Variants in CRIM1 observed in about 807,000 individuals in gnomAD.
CRIM1 encodes cysteine-rich motor neuron 1 protein.
CRIM1 carries 32 observed loss-of-function variants against 116.4 expected under a neutral mutation model. That is an observed-to-expected ratio of 0.27 (90% CI 0.21 to 0.37). CRIM1 has a LOEUF of 0.37. Among genes scored for constraint, CRIM1 ranks in the 10% least tolerant of loss-of-function variants. CRIM1 has a pLI of 1.00. For missense variants in CRIM1, 1,331 were observed against 1,354.8 expected, an observed-to-expected ratio of 0.98 and a Z score of 0.28; for synonymous variants, 590 against 509.2, an observed-to-expected ratio of 1.16 and a Z score of -2.13.
chr2:36,508,246 C>CA (rs1288613820), intron 8 of CRIM1, among the ~76,000 whole-genome samples: 1 of 152,110 alleles, frequency 6.6e-6, no homozygotes, highest in Admixed American at 6.5e-5. Context: ...ATGATAATGA[C>CA]AGAGTAGAAA....
intron 1 of CRIM1, among the ~76,000 whole-genome samples, chr2:36,385,876 AT>A (rs547221190): frequency 2.7e-4 from 41 of 152,330 alleles, no homozygotes; most frequent in East Asian, 1.7e-3. Flanking sequence ...TGTCTGGCAC[AT>A]AGAAAGTGCT....
intron 14 of CRIM1, among the ~76,000 whole-genome samples, chr2:36,538,164 C>T (rs538104417): frequency 1.3e-5 from 2 of 152,294 alleles, no homozygotes; most frequent in South Asian, 4.1e-4. Context: ...CTCTTTGTGT[C>T]TGCTGCATTA....
At chr2:36,407,651 CTGT>C (rs1672908156) in intron 2 of CRIM1, among the ~76,000 whole-genome samples, 1 of 148,362 alleles carries the variant, frequency 6.7e-6, no homozygotes, top group African/African-American at 2.5e-5. Flanking sequence ...TGCATTTTAA[CTGT>C]TGGAAGTCAT....
chr2:36,513,112 T>G, intron 10 of CRIM1: 1 of 197,630 alleles, frequency 5.1e-6, no homozygotes, highest in Non-Finnish European at 1.0e-5. Context: ...TTCTAAGGGG[T>G]TGGAGTAAAC....
At position 36,368,122 on chromosome 2, in the gene CRIM1, C is replaced by T. The variant is rs188733857; in HGVS notation, c.331+11499C>T. ...TTACCTTTGCTGCTGTTTTCACTTG[C>T]CAGGGAGTTTCCTTAAGGAGCAGAC... On this transcript the variant is annotated intron_variant, in intron 1 of 16. Transcript: ENST00000280527. 1.7e-3 allele frequency among the ~76,000 whole-genome samples: 264 copies of T among 152,290 alleles called. 3 individuals carry two copies. The highest frequency in any genetic ancestry group is 2.5e-4 in the Non-Finnish European group (17 of 68,026).
intron 2 of CRIM1, among the ~76,000 whole-genome samples, chr2:36,411,531 A>G (rs934335935): frequency 3.9e-5 from 6 of 152,218 alleles, no homozygotes; most frequent in Non-Finnish European, 5.9e-5. Flanking sequence ...AGAACATTGT[A>G]TACAAATATG....
At chr2:36,449,394 G>A (rs1176082030) in intron 4 of CRIM1, among the ~76,000 whole-genome samples, 2 of 152,186 alleles carry the variant, frequency 1.3e-5, no homozygotes, top group African/African-American at 4.8e-5. Flanking sequence ...CCTCTCAGGA[G>A]CCCTAACATT....
chr2:36,401,819 T>C (rs1455539610), intron 2 of CRIM1, among the ~76,000 whole-genome samples: 1 of 152,218 alleles, frequency 6.6e-6, no homozygotes, highest in Non-Finnish European at 1.5e-5. Context: ...CATTCATCTG[T>C]TTATTTCATC....
chr2:36,498,609 G>A (rs1680767910), intron 7 of CRIM1, among the ~76,000 whole-genome samples: 1 of 152,150 alleles, frequency 6.6e-6, no homozygotes, highest in African/African-American at 2.4e-5. Context: ...TCTTTGTCCT[G>A]AATGTGTGTA....
At chr2:36,428,139 A>G (rs976237060) in intron 2 of CRIM1, among the ~76,000 whole-genome samples, 3 of 152,260 alleles carry the variant, frequency 2.0e-5, no homozygotes, top group African/African-American at 7.2e-5. Context: ...TGCAGACTAC[A>G]GACTGAAAAA....
intron 9 of CRIM1, among the ~76,000 whole-genome samples, chr2:36,510,479 C>G (rs1479257606): frequency 6.6e-6 from 1 of 152,176 alleles, no homozygotes; most frequent in Non-Finnish European, 1.5e-5. Context: ...ACTCTTCACA[C>G]CTGTCCCAAG....
intron 7 of CRIM1, among the ~76,000 whole-genome samples, chr2:36,486,160 A>G (rs1207100016): frequency 6.6e-6 from 1 of 152,222 alleles, no homozygotes; most frequent in Non-Finnish European, 1.5e-5. Flanking sequence ...CAGCCTTAAT[A>G]TATCACTTTC....
At chr2:36,470,557 C>G (rs1678418086) in intron 5 of CRIM1, among the ~76,000 whole-genome samples, 2 of 152,170 alleles carry the variant, frequency 1.3e-5, no homozygotes, top group African/African-American at 4.8e-5. Context: ...AATGGAACAA[C>G]AAAGCCTGGA....
chr2:36,458,671 CA>C (rs1677333788), intron 4 of CRIM1, among the ~76,000 whole-genome samples: 1 of 152,088 alleles, frequency 6.6e-6, no homozygotes, highest in South Asian at 2.1e-4. Context: ...GGAGGAGGAT[CA>C]GGGGAGTAAG....
chr2:36,473,320 T>C (rs1678689792), intron 5 of CRIM1, among the ~76,000 whole-genome samples: 1 of 152,150 alleles, frequency 6.6e-6, no homozygotes. Flanking sequence ...GCTCATCACC[T>C]CAGGAGAACT....
Position 36,395,875 on chromosome 2 carries a change from T to C in CRIM1, c.332-739T>C, listed in dbSNP as rs1024496638. On this transcript the variant is annotated intron_variant, in intron 1 of 16. Transcript: ENST00000280527. ...TGATGTTGATTATTAGCTGCCTTAA[T>C]GTAGTAAGTTGAAGAGCTGTTTTAA... is the stretch of plus-strand genomic sequence containing the variant. Among the ~76,000 whole-genome samples the C allele has an allele frequency of 6.6e-5, 10 of 152,288 alleles. No homozygotes were observed. In the South Asian group the frequency reaches 2.1e-3, roughly 32 times the overall value.
chr2:36,391,686 G>A (rs1280819049), intron 1 of CRIM1, among the ~76,000 whole-genome samples: 1 of 152,028 alleles, frequency 6.6e-6, no homozygotes, highest in Non-Finnish European at 1.5e-5. Context: ...GCTACAGACC[G>A]CTTAGAAGCC....
intron 1 of CRIM1, among the ~76,000 whole-genome samples, chr2:36,394,501 AT>A (rs1289598364): frequency 5.3e-5 from 8 of 151,634 alleles, no homozygotes. Flanking sequence ...TCTTTTTCTG[AT>A]TTTCCTTTCA....
intron 4 of CRIM1, among the ~76,000 whole-genome samples, chr2:36,448,587 G>T (rs949267463): frequency 1.3e-5 from 2 of 152,078 alleles, no homozygotes; most frequent in African/African-American, 4.8e-5. Flanking sequence ...CACTTTCACT[G>T]TAAGTCACGA....
Sources: allele counts gnomAD v4.1 joint callset (sites outside exome capture counted in the v4.1 genomes callset), GRCh38; gene constraint gnomAD v4.1.1; transcripts MANE v1.5; gene names NCBI Gene and HGNC (gene_info 2026-07-23, HGNC 2026-07-21).